FAM184B: variants seen among roughly 807,000 people sequenced by gnomAD.
FAM184B encodes protein FAM184B.
A neutral mutation model predicts 135.9 loss-of-function variants in FAM184B; 111 were observed. The observed-to-expected ratio is 0.82, with a 90% CI of 0.70 to 0.96. FAM184B has a LOEUF of 0.96. Among genes scored for constraint, FAM184B ranks in the 40% least tolerant of loss-of-function variants. The pLI, the probability that FAM184B is intolerant of heterozygous loss-of-function variation, is 0.00. For missense variants in FAM184B, 1,375 were observed against 1,323.9 expected (o/e 1.04, Z -0.60); for synonymous variants, 552 against 524.8 (o/e 1.05, Z -0.71).
chr4:17,634,873 T>C (rs1286890840), intron 16 of FAM184B, 136 bp downstream of exon 16: 11 of 572,136 alleles, frequency 1.9e-5, no homozygotes, highest in African/African-American at 1.2e-4. Context: ...GCCATAGATA[T>C]AAACAAGTGG....
rs1214394946 is a variant in FAM184B, at chr4:17,768,450, T to A, written c.141+12709A>T. Among the ~76,000 whole-genome samples, 3 of 152,206 alleles carry A rather than the reference T, an allele frequency of 2.0e-5. 1 individual carries two copies. The South Asian group carries it at 6.2e-4, about 32-fold the overall frequency. ...CCGCCACGCCCAGCTAATTTTTGTA[T>A]TTTTAGTAGAGACGGGGTGTCACCA... On this transcript the variant is annotated intron_variant, in intron 1 of 17. Transcript: ENST00000265018.
intron 7 of FAM184B, among the ~76,000 whole-genome samples, chr4:17,668,368 T>C (rs1256628442): frequency 1.3e-5 from 2 of 152,212 alleles, no homozygotes; most frequent in South Asian, 2.1e-4. Flanking sequence ...CAAATCCTAA[T>C]TGATGCACCC....
chr4:17,722,252 G>A (rs959988933), intron 1 of FAM184B, among the ~76,000 whole-genome samples: 7 of 152,198 alleles, frequency 4.6e-5, no homozygotes, highest in South Asian at 2.1e-4. Context: ...CACACAGAGC[G>A]GAGCTTCAGT....
chr4:17,681,741 C>T (rs564626935), intron 7 of FAM184B, among the ~76,000 whole-genome samples: 2 of 152,242 alleles, frequency 1.3e-5, no homozygotes, highest in South Asian at 4.1e-4. Flanking sequence ...GGATCCTTCC[C>T]AAATGCCTCA....
At chr4:17,650,568 C>A (rs1048585363) in intron 11 of FAM184B, among the ~76,000 whole-genome samples, 35 of 152,182 alleles carry the variant, frequency 2.3e-4, no homozygotes, top group African/African-American at 8.4e-4. Flanking sequence ...GCTGCACTGG[C>A]AGCTGCTGCT....
intron 13 of FAM184B, among the ~76,000 whole-genome samples, 153 bp from the exon 14 acceptor site, chr4:17,639,549 G>A (rs1395709692): frequency 6.6e-6 from 1 of 152,184 alleles, no homozygotes; most frequent in Non-Finnish European, 1.5e-5. Context: ...AAGAGCTGAA[G>A]TCTCTTGAGT....
At chr4:17,756,294 A>G (rs1163004063) in intron 1 of FAM184B, among the ~76,000 whole-genome samples, 2 of 152,228 alleles carry the variant, frequency 1.3e-5, no homozygotes, top group East Asian at 3.8e-4. Context: ...AACCACGTCA[A>G]AAGGACTCAG....
intron 1 of FAM184B, among the ~76,000 whole-genome samples, chr4:17,774,926 T>A (rs1041827832): frequency 1.3e-5 from 2 of 151,904 alleles, no homozygotes; most frequent in East Asian, 1.9e-4. Flanking sequence ...GAGTAAGGCA[T>A]CATACTTCCT....
intron 8 of FAM184B, among the ~76,000 whole-genome samples, chr4:17,662,121 A>G (rs1417570697): frequency 1.3e-5 from 2 of 152,124 alleles, no homozygotes; most frequent in Non-Finnish European, 2.9e-5. Context: ...TTTCCAGGTT[A>G]TGTTGCTCCT....
At chr4:17,685,455 A>T (rs1716556766) in intron 7 of FAM184B, among the ~76,000 whole-genome samples, 1 of 151,336 alleles carries the variant, frequency 6.6e-6, no homozygotes, top group Non-Finnish European at 1.5e-5. Context: ...AGGCTGAGGC[A>T]GAAGAATCGC....
intron 1 of FAM184B, among the ~76,000 whole-genome samples, chr4:17,723,951 G>C (rs180700196): frequency 6.6e-6 from 1 of 152,028 alleles, no homozygotes; most frequent in African/African-American, 2.4e-5. Flanking sequence ...CATCACATCC[G>C]GGGCAGCAAG....
chr4:17,665,615 C>A (rs1003797322), intron 7 of FAM184B, among the ~76,000 whole-genome samples: 17 of 152,254 alleles, frequency 1.1e-4, no homozygotes, highest in African/African-American at 4.1e-4. Context: ...TCCAGGGATC[C>A]TGGGAGGTGT....
At chr4:17,752,949 T>G (rs1402430307) in intron 1 of FAM184B, among the ~76,000 whole-genome samples, 1 of 152,238 alleles carries the variant, frequency 6.6e-6, no homozygotes, top group Non-Finnish European at 1.5e-5. Context: ...TATTTGCCCT[T>G]GAAGGTAGCA....
At chr4:17,636,895 A>G (rs1040273906) in intron 14 of FAM184B, among the ~76,000 whole-genome samples, 8 of 152,198 alleles carry the variant, frequency 5.3e-5, no homozygotes, top group African/African-American at 1.9e-4. Context: ...TGCTGCACTC[A>G]GCGGGGCTTC....
At chr4:17,654,151 C>G (rs924200630) in intron 10 of FAM184B, among the ~76,000 whole-genome samples, 22 of 150,182 alleles carry the variant, frequency 1.5e-4, no homozygotes, top group African/African-American at 4.2e-4. Flanking sequence ...CAGGCTTGTG[C>G]TAATTTGTTA....
In FAM184B at chr4:17,781,267, C is replaced by T. The variant is rs1335677299; in HGVS notation, c.33G>A (p.Pro11=). 1.9e-6 allele frequency: 3 copies of T among 1,550,022 alleles called. No homozygotes were observed. Among genetic ancestry groups the T allele is most frequent in the Admixed American group, 2.0e-5 (1 of 50,772 alleles). The stretch of plus-strand genomic sequence containing the variant: ...CTTTGGAGCCCTGGCAAGTGCCGGG[C>T]GGGTTAATTTTGCTGTTGAGAGCAG... MASALNSKIN[P]PGTCQGSKAD... is the part of the protein sequence containing the mutation. The change falls in exon 1 of 18, where the codon CCG becomes CCA. Residue 11 remains proline, a synonymous_variant. Transcript: ENST00000265018. This position sits in a 1 kb window ranked among gnomAD's most constrained non-coding sequence, Gnocchi z 6.5.
chr4:17,644,755 A>G (rs1394974997), intron 12 of FAM184B, among the ~76,000 whole-genome samples: 1 of 152,234 alleles, frequency 6.6e-6, no homozygotes, highest in Non-Finnish European at 1.5e-5. Flanking sequence ...AGGCAGGAGA[A>G]AGAAGGGGTA....
chr4:17,734,129 T>G (rs1239485811), intron 1 of FAM184B, among the ~76,000 whole-genome samples: 1 of 152,226 alleles, frequency 6.6e-6, no homozygotes, highest in Non-Finnish European at 1.5e-5. Context: ...GCTGGCCACA[T>G]GTAGAAAGCT....
At chr4:17,670,128 C>T (rs1356665422) in intron 7 of FAM184B, among the ~76,000 whole-genome samples, 1 of 152,172 alleles carries the variant, frequency 6.6e-6, no homozygotes. Context: ...AACTTTAAAA[C>T]TCTGGGACAC....
Sources: allele counts gnomAD v4.1 joint callset (sites outside exome capture counted in the v4.1 genomes callset), GRCh38; gene constraint gnomAD v4.1.1; non-coding constraint Gnocchi (gnomAD v3.1); transcripts MANE v1.5; gene names NCBI Gene and HGNC (gene_info 2026-07-23, HGNC 2026-07-21).